ZBTB7C: variants seen among roughly 807,000 people sequenced by gnomAD.
ZBTB7C encodes zinc finger and BTB domain containing 7C.
ZBTB7C carries 8 observed loss-of-function variants against 25.7 expected under a neutral mutation model. That is an observed-to-expected ratio of 0.31 (90% confidence interval 0.18 to 0.56). ZBTB7C has a LOEUF of 0.56. ZBTB7C is among the 20% of genes least tolerant of loss of function. The probability of loss-of-function intolerance (pLI) is 0.91; values close to 1 mark genes in which losing one functional copy is unlikely to be tolerated. For synonymous variants in ZBTB7C, 394 were observed against 369.0 expected, an observed-to-expected ratio of 1.07 and a Z score of -0.78; for missense variants, 824 against 855.2, an observed-to-expected ratio of 0.96 and a Z score of 0.46.
At chr18:48,051,392 C>CT (rs1568178046) in intron 3 of ZBTB7C, among the ~76,000 whole-genome samples, 1 of 152,200 alleles carries the variant, frequency 6.6e-6, no homozygotes, top group African/African-American at 2.4e-5. Context: ...AGAGGACCCC[C>CT]TTCGTCTATG....
At chr18:48,037,692 C>A (rs2036037585) in intron 4 of ZBTB7C, among the ~76,000 whole-genome samples, 2 of 152,176 alleles carry the variant, frequency 1.3e-5, no homozygotes, top group African/African-American at 4.8e-5. Context: ...CAGATAGATC[C>A]TTTTGGAATT....
intron 2 of ZBTB7C, among the ~76,000 whole-genome samples, chr18:48,266,652 C>A (rs1017408865): frequency 6.6e-6 from 1 of 152,206 alleles, no homozygotes; most frequent in African/African-American, 2.4e-5. Context: ...GCATCCGTAC[C>A]AAATCAGTGG....
chr18:48,245,551 CAT>C (rs557639332), intron 2 of ZBTB7C, among the ~76,000 whole-genome samples: 230 of 144,504 alleles, frequency 1.6e-3, no homozygotes, highest in African/African-American at 5.7e-3. Flanking sequence ...AGAGTAAAAA[CAT>C]ATTTTTTAAG....
Position 48,077,096 on chromosome 18 carries a change from G to C in ZBTB7C, c.-16-35973C>G, listed in dbSNP as rs561987003. On this transcript the variant is annotated intron_variant, in intron 3 of 4. Coordinates refer to ENST00000590800, the MANE Select transcript of ZBTB7C (RefSeq NM_001318841.2). ...AAAAAAAAAGCATTTCCTCCTCTAT[G>C]ATTTTTTTTCTTATTCTAAAGGCAA... is the stretch of plus-strand genomic sequence containing the variant. 70 of 728,800 alleles carry C rather than the reference G, an allele frequency of 9.6e-5. No homozygotes were observed. The South Asian group carries it at 2.6e-3, about 27-fold the overall frequency. The allele number at this position is 728,800 out of a possible 1,614,324, so 45.1% of individuals were successfully genotyped here. A position where few individuals can be genotyped will look rare whatever the true frequency, so the allele number is the denominator to read the frequency against.
At chr18:48,407,920 AC>A (rs1331815681) in intron 1 of ZBTB7C, among the ~76,000 whole-genome samples, 5 of 151,940 alleles carry the variant, frequency 3.3e-5, no homozygotes, top group African/African-American at 1.2e-4. Context: ...AGGTGTTTCT[AC>A]CTCGCTGCCC....
At chr18:48,104,748 A>T (rs1446822043) in intron 3 of ZBTB7C, among the ~76,000 whole-genome samples, 2 of 152,174 alleles carry the variant, frequency 1.3e-5, no homozygotes, top group East Asian at 1.9e-4. Context: ...AGACTCTCCC[A>T]TCAGGTAGCA....
chr18:48,066,807 T>G (rs2037346139), intron 3 of ZBTB7C, among the ~76,000 whole-genome samples: 1 of 152,168 alleles, frequency 6.6e-6, no homozygotes. Flanking sequence ...GTCTTGGGTT[T>G]AAGACCTAGC....
chr18:48,100,961 T>C (rs1316726114), intron 3 of ZBTB7C, among the ~76,000 whole-genome samples: 2 of 151,946 alleles, frequency 1.3e-5, no homozygotes, highest in East Asian at 1.9e-4. Context: ...GGAAGGCAGG[T>C]TGTAGGCTGT....
chr18:48,294,045 G>T (rs1177258901), intron 2 of ZBTB7C, among the ~76,000 whole-genome samples: 1 of 152,244 alleles, frequency 6.6e-6, no homozygotes, highest in Non-Finnish European at 1.5e-5. Context: ...GCCACCGTGG[G>T]AGTCATTAGC....
intron 2 of ZBTB7C, among the ~76,000 whole-genome samples, chr18:48,227,184 G>A (rs1187311556): frequency 6.6e-6 from 1 of 152,228 alleles, no homozygotes. Flanking sequence ...AGGAGGGCTT[G>A]GACAAGCATC....
intron 3 of ZBTB7C, chr18:48,041,633 C>T (rs886855937): frequency 5.4e-5 from 44 of 820,254 alleles, no homozygotes; most frequent in Non-Finnish European, 5.4e-5. Context: ...AAACAAATTT[C>T]GTGGCCCATT....
chr18:48,380,297 T>C (rs929102707), intron 1 of ZBTB7C, among the ~76,000 whole-genome samples: 6 of 152,176 alleles, frequency 3.9e-5, no homozygotes, highest in Non-Finnish European at 8.8e-5. Context: ...GGTTAACAAT[T>C]CTGAAACGGC....
At chr18:48,153,798 G>A (rs371979404) in intron 3 of ZBTB7C, among the ~76,000 whole-genome samples, 1 of 152,226 alleles carries the variant, frequency 6.6e-6, no homozygotes, top group Non-Finnish European at 1.5e-5. Flanking sequence ...CTGGCCTCAT[G>A]AAATGTTCTT....
chr18:48,409,336 G>C lies in ZBTB7C; in HGVS notation c.-414C>G, dbSNP rs1325626531. ...GGTCCCTGCGCGCCCGAGCCTCGCC[G>C]GCCGCGCCGCTGTCAGAGTCTCGTG... is the stretch of plus-strand genomic sequence containing the variant. On this transcript the variant is annotated 5_prime_UTR_variant, in exon 1 of 5. Coordinates refer to ENST00000590800, the MANE Select transcript of ZBTB7C (RefSeq NM_001318841.2). 1 of 148,704 alleles carries C rather than the reference G, an allele frequency of 6.7e-6. No individual in the cohort carries two copies. The highest frequency in any genetic ancestry group is 1.5e-5 in the Non-Finnish European group (1 of 66,740). 9.2% of individuals were successfully genotyped at this position (148,704 alleles called of 1,614,324 possible).
At chr18:48,349,613 G>A (rs1003147353) in intron 1 of ZBTB7C, among the ~76,000 whole-genome samples, 6 of 152,218 alleles carry the variant, frequency 3.9e-5, no homozygotes, top group African/African-American at 7.2e-5. Flanking sequence ...CTAAACGCTG[G>A]AGGAGGAAAG....
intron 3 of ZBTB7C, among the ~76,000 whole-genome samples, chr18:48,141,151 C>A (rs112916841): frequency 1.4e-5 from 2 of 145,380 alleles, no homozygotes; most frequent in Non-Finnish European, 3.0e-5. Flanking sequence ...GCACCACCCC[C>A]CCCACTGTTC....
intron 2 of ZBTB7C, among the ~76,000 whole-genome samples, chr18:48,287,028 A>T (rs184622730): frequency 6.6e-6 from 1 of 152,288 alleles, no homozygotes; most frequent in Admixed American, 6.5e-5. Context: ...AAAACAAAAA[A>T]AACTGACCAG....
chr18:48,199,993 TG>T (rs2042401388), intron 2 of ZBTB7C, among the ~76,000 whole-genome samples: 2 of 4,066 alleles, frequency 4.9e-4, no homozygotes, highest in Non-Finnish European at 3.6e-3. Flanking sequence ...GAAATGTATT[TG>T]TGTGTGTGTG....
intron 2 of ZBTB7C, among the ~76,000 whole-genome samples, chr18:48,329,384 G>C (rs2046294726): frequency 6.6e-6 from 1 of 152,192 alleles, no homozygotes; most frequent in African/African-American, 2.4e-5. Context: ...GACATGTTCA[G>C]GGGCGTGCAA....
Sources: gnomAD v4.1 joint callset for allele counts (sites outside exome capture counted in the v4.1 genomes callset) on GRCh38, gnomAD v4.1.1 for gene constraint, MANE v1.5 for transcripts, NCBI Gene and HGNC (gene_info 2026-07-23, HGNC 2026-07-21) for gene names.